The following TPRG1 variants were observed in gnomAD, a reference collection of about 807,000 sequenced individuals.
TPRG1 encodes tumor protein p63 regulated 1.
In TPRG1, 29 loss-of-function variants were observed where a neutral mutation model predicts 29.3. The ratio of observed to expected loss-of-function variants is 0.99; its 90% CI spans 0.74 to 1.35. The LOEUF (loss-of-function observed/expected upper bound fraction) is 1.35, where lower values mean the gene tolerates loss of function less well. Ranked by LOEUF, TPRG1 falls within the 40% of genes most tolerant of loss-of-function variation. The pLI is 0.00. For synonymous variants in TPRG1, 130 were observed against 116.8 expected, an observed-to-expected ratio of 1.11 and a Z score of -0.73; for missense variants, 327 against 335.0, an observed-to-expected ratio of 0.98 and a Z score of 0.19.
chr3:189,259,717 G>A (rs1032212830), intron 4 of TPRG1, among the ~76,000 whole-genome samples: 4 of 152,028 alleles, frequency 2.6e-5, no homozygotes, highest in Middle Eastern at 3.4e-3. Flanking sequence ...TGATCCACCC[G>A]CCTGGGCCTC....
At chr3:189,150,024 A>G (rs1329388235) in intron 4 of TPRG1, among the ~76,000 whole-genome samples, 1 of 152,230 alleles carries the variant, frequency 6.6e-6, no homozygotes, top group Admixed American at 6.5e-5. Flanking sequence ...TGATGTACCC[A>G]GTGCCAAATT....
At chr3:189,074,491 A>T (rs1717012553) in intron 4 of TPRG1, among the ~76,000 whole-genome samples, 1 of 151,938 alleles carries the variant, frequency 6.6e-6, no homozygotes. Context: ...GGTGTGAGCC[A>T]CCGCGCCCGG....
chr3:189,063,424 A>G (rs1716243119), intron 4 of TPRG1, among the ~76,000 whole-genome samples: 1 of 152,234 alleles, frequency 6.6e-6, no homozygotes, highest in African/African-American at 2.4e-5. Flanking sequence ...TAGTATCTAA[A>G]CGACATATGT....
intron 4 of TPRG1, among the ~76,000 whole-genome samples, chr3:189,288,741 T>C (rs1718496847): frequency 6.6e-6 from 1 of 152,132 alleles, no homozygotes; most frequent in Non-Finnish European, 1.5e-5. Context: ...GACTTCATTA[T>C]GATGCATAAG....
chr3:189,182,919 C>T (rs1730421800), intron 1 of TPRG1, among the ~76,000 whole-genome samples: 1 of 152,132 alleles, frequency 6.6e-6, no homozygotes, highest in Non-Finnish European at 1.5e-5. Context: ...ATACCCATCA[C>T]CTCACTTAGT....
chr3:189,133,760 G>A (rs559026364), intron 3 of TPRG1, among the ~76,000 whole-genome samples: 18 of 152,230 alleles, frequency 1.2e-4, no homozygotes, highest in South Asian at 2.1e-4. Context: ...ATTCCATCTC[G>A]AGCTAGACAA....
intron 3 of TPRG1, among the ~76,000 whole-genome samples, chr3:189,223,829 T>C (rs911190942): frequency 2.0e-5 from 3 of 152,230 alleles, no homozygotes; most frequent in South Asian, 2.1e-4. Context: ...TTTTGCCATA[T>C]GTTATGTCAT....
At chr3:189,202,198 C>T (rs762573297) in intron 1 of TPRG1, among the ~76,000 whole-genome samples, 1 of 152,050 alleles carries the variant, frequency 6.6e-6, no homozygotes, top group African/African-American at 2.4e-5. Context: ...TTAAAAAAAG[C>T]GGAAAGAATC....
intron 4 of TPRG1, among the ~76,000 whole-genome samples, chr3:189,245,512 T>C (rs1298996203): frequency 1.3e-5 from 2 of 152,134 alleles, no homozygotes; most frequent in Non-Finnish European, 1.5e-5. Flanking sequence ...TTCAGGTTTT[T>C]ATAGATATCT....
intron 3 of TPRG1, among the ~76,000 whole-genome samples, chr3:189,015,466 G>C (rs1216027065): frequency 3.3e-5 from 5 of 152,144 alleles, no homozygotes; most frequent in African/African-American, 1.2e-4. Context: ...AATTAAAGCT[G>C]CTTGCAGAAA....
chr3:189,263,871 T>G (rs184046057), intron 4 of TPRG1, among the ~76,000 whole-genome samples: 1 of 152,176 alleles, frequency 6.6e-6, no homozygotes, highest in Non-Finnish European at 1.5e-5. Context: ...TTGAGAAGTA[T>G]TTCAGTTTAA....
chr3:189,275,433 T>C (rs1296503208), intron 4 of TPRG1, among the ~76,000 whole-genome samples: 3 of 152,130 alleles, frequency 2.0e-5, no homozygotes, highest in Non-Finnish European at 4.4e-5. Context: ...AGAGAATTCA[T>C]ACAGTTGTGA....
At chr3:189,017,728 C>A (rs1443882874) in intron 3 of TPRG1, among the ~76,000 whole-genome samples, 3 of 152,184 alleles carry the variant, frequency 2.0e-5, no homozygotes, top group Non-Finnish European at 4.4e-5. Context: ...GATTTATAGT[C>A]ATTTGGGTAT....
intron 4 of TPRG1, among the ~76,000 whole-genome samples, chr3:189,255,498 C>A (rs1373007660): frequency 6.6e-6 from 1 of 151,686 alleles, no homozygotes; most frequent in African/African-American, 2.4e-5. Flanking sequence ...TTTTCTTGTG[C>A]GTCTACCGGG....
intron 5 of TPRG1, among the ~76,000 whole-genome samples, chr3:189,154,170 A>T (rs915089988): frequency 6.6e-6 from 1 of 152,222 alleles, no homozygotes; most frequent in Non-Finnish European, 1.5e-5. Context: ...GATATTCTTC[A>T]GCAATTGGAA....
intron 4 of TPRG1, among the ~76,000 whole-genome samples, chr3:189,296,823 GAAT>G (rs1047092249): frequency 4.3e-4 from 66 of 152,192 alleles, no homozygotes; most frequent in Admixed American, 2.0e-3. Context: ...GTAAACATTT[GAAT>G]AATCTTCAAA....
chr3:189,116,640 C>T (rs1434633033), intron 1 of TPRG1, among the ~76,000 whole-genome samples: 1 of 152,160 alleles, frequency 6.6e-6, no homozygotes, highest in Non-Finnish European at 1.5e-5. Context: ...TTTGCTATGA[C>T]TTGCATGAAC....
rs1434439751 is a variant in TPRG1 at position 189,231,941 on chromosome 3, G to GTT, written c.303-6790_303-6789dup. ...GTAAATTTCAGAAGCTTCAAACCTG[G>GTT]TTTGTGTGTGTGTGTGTGTGTGTGT... On this transcript the variant is annotated intron_variant, in intron 3 of 5. Transcript: ENST00000345063. Among the ~76,000 whole-genome samples, 502 of 126,768 alleles carry GTT rather than the reference G, an allele frequency of 4.0e-3. 2 individuals carry two copies. Among genetic ancestry groups the GTT allele is most frequent in the African/African-American group, 0.014 (415 of 29,214 alleles). 83.2% of individuals were successfully genotyped at this position (126,768 alleles called of 152,430 possible).
intron 4 of TPRG1, among the ~76,000 whole-genome samples, chr3:189,033,261 G>T (rs888636258): frequency 2.6e-5 from 4 of 151,598 alleles, no homozygotes; most frequent in Admixed American, 1.3e-4. Flanking sequence ...GAACAGCTAC[G>T]CAGAGTCATT....
Sources: allele counts gnomAD v4.1 joint callset (sites outside exome capture counted in the v4.1 genomes callset), GRCh38; gene constraint gnomAD v4.1.1; transcripts MANE v1.5; gene names NCBI Gene and HGNC (gene_info 2026-07-23, HGNC 2026-07-21).